LTBP4: variants seen among roughly 807,000 people sequenced by gnomAD.
The protein encoded by LTBP4 is latent transforming growth factor beta binding protein 4.
Under a neutral mutation model 180.2 loss-of-function variants are expected in LTBP4, and 93 were observed. The observed-to-expected ratio is 0.52, with a 90% CI of 0.44 to 0.61. LTBP4 has a LOEUF of 0.61. Among genes scored for constraint, LTBP4 ranks in the 20% least tolerant of loss-of-function variants. LTBP4 has a pLI of 0.00. For synonymous variants in LTBP4, 947 were observed against 934.5 expected (o/e 1.01, Z -0.24); for missense variants, 2,116 against 2,256.5 (o/e 0.94, Z 1.26).
chr19:40,622,460 C>G lies in LTBP4; in HGVS notation c.3277C>G (p.Pro1093Ala). ...TAGCCCCGTTCTGCCCGCCAGGCCA[C>G]CTCCGCCACCCCTGCCCCGCCGACC... is the stretch of plus-strand genomic sequence containing the variant. ...PASPVLPARPPPPPLPRRPST... is the reference protein window; with the variant it reads ...PASPVLPARPAPPPLPRRPST... Residue 1093 changes from proline to alanine, a missense_variant, in exon 23 of 30, where the codon CCT (proline) becomes GCT (alanine). This residue lies in a region of LTBP4 where 278 missense variants were observed against 373.0 expected (regional missense o/e 0.75). Coordinates refer to ENST00000396819, the MANE Select transcript of LTBP4 (RefSeq NM_001042545.2). The surrounding 1 kb of genome is among the most constrained non-coding windows in gnomAD (Gnocchi z 5.1). 6.2e-7 allele frequency: 1 copy of G among 1,602,496 alleles called. No individual in the cohort carries two copies. Among genetic ancestry groups the G allele is most frequent in the South Asian group, 1.1e-5 (1 of 89,712 alleles).
In LTBP4 at chr19:40,607,439, C is replaced by T; in HGVS notation, c.1066C>T (p.Leu356=). The T allele has an allele frequency of 6.2e-7, 1 of 1,613,470 alleles. No homozygotes were observed. The highest frequency in any genetic ancestry group is 8.5e-7 in the Non-Finnish European group (1 of 1,179,756). ...CGACGGCGGCTGTTCGCTGCCCATT[C>T]TGCGGAACATCACTAAACAGATCTG... ...LRDGGCSLPI[L]RNITKQICCC... The change falls in exon 7 of 30, where the codon CTG becomes TTG. Residue 356 remains leucine, a synonymous_variant. Coordinates refer to ENST00000396819, the MANE Select transcript of LTBP4 (RefSeq NM_001042545.2).
upstream of LTBP4, among the ~76,000 whole-genome samples, chr19:40,597,013 C>T (rs969182161): frequency 6.6e-6 from 1 of 152,166 alleles, no homozygotes; most frequent in African/African-American, 2.4e-5. Flanking sequence ...GTCCCCCGCG[C>T]CCCTAGTCCG....
In LTBP4 at chr19:40,609,828, C is replaced by T; in HGVS notation, c.1641C>T (p.Cys547=). The change falls in exon 11 of 30, where the codon TGC becomes TGT. Residue 547 remains cysteine (C), a synonymous_variant. Coordinates refer to ENST00000396819, the MANE Select transcript of LTBP4 (RefSeq NM_001042545.2). This position sits in a 1 kb window ranked among gnomAD's most constrained non-coding sequence, Gnocchi z 4.9. ...ENSPGSFRCV[C]GPGFRAGPRA... ...CACCAGGCAGCTTCCGCTGCGTGTG[C>T]GGCCCGGGCTTCCGAGCCGGCCCAC... 1 of 1,602,764 alleles carries T rather than the reference C, an allele frequency of 6.2e-7. No individual in the cohort carries two copies. The highest frequency in any genetic ancestry group is 8.5e-7 in the Non-Finnish European group (1 of 1,174,590).
chr19:40,596,465 G>A (rs1298274149), upstream of LTBP4, among the ~76,000 whole-genome samples: 1 of 152,146 alleles, frequency 6.6e-6, no homozygotes, highest in Non-Finnish European at 1.5e-5. Context: ...ATACCCTCTG[G>A]GGGCGGCGAT....
Position 40,624,027 on chromosome 19 carries a change from A to T in LTBP4, c.3777A>T (p.Pro1259=), listed in dbSNP as rs745424465. ...VGSYHCTCEP[P]LVLDGSQRRC... The stretch of plus-strand genomic sequence containing the variant: ...CTTATCACTGTACCTGCGAGCCCCC[A>T]CTGGTGCTGGATGGCTCGCAGCGCC... Residue 1259 remains proline (P), a synonymous_variant, in exon 26 of 30, where the codon CCA becomes CCT. Coordinates refer to ENST00000396819, the MANE Select transcript of LTBP4 (RefSeq NM_001042545.2). 7 of 1,607,492 alleles carry T rather than the reference A, an allele frequency of 4.4e-6. No homozygotes were observed. Among genetic ancestry groups the T allele is most frequent in the Admixed American group, 1.7e-5 (1 of 59,544 alleles).
Position 40,609,029 on chromosome 19 carries a change from C to T in LTBP4, c.1426+426C>T, listed in dbSNP as rs1037487561. 15 of 184,794 alleles carry T rather than the reference C, an allele frequency of 8.1e-5. No homozygotes were observed. Among genetic ancestry groups the T allele is most frequent in the Admixed American group, 1.1e-4 (2 of 18,192 alleles). 11.4% of individuals were successfully genotyped at this position (184,794 alleles called of 1,614,324 possible). A position where few individuals can be genotyped will look rare whatever the true frequency, so the allele number is the denominator to read the frequency against. ...TAGGAATGGTATGGGCAGAGATAAG[C>T]GTTTGAAGGGTTGGGTGGTAGTTAG... is the stretch of plus-strand genomic sequence containing the variant. On this transcript the variant is annotated intron_variant, in intron 9 of 29. Transcript: ENST00000396819. The surrounding 1 kb of genome is among the most constrained non-coding windows in gnomAD (Gnocchi z 4.9).
intron 26 of LTBP4, 35 bp downstream of exon 26, chr19:40,624,117 C>CT: frequency 6.7e-7 from 1 of 1,490,162 alleles, no homozygotes. Context: ...CCCTCCTTCC[C>CT]TTGGCTCGGC....
In LTBP4 at chr19:40,606,223, C is replaced by G. The variant is rs1440485187; in HGVS notation, c.794-10C>G. Reference sequence around the variant, plus strand: ...CCTGTCCCTGGCCCACCCCTCTCCTCTCGCCACAGGGAACTCCGAAAGAGT... The same window carrying G: ...CCTGTCCCTGGCCCACCCCTCTCCTGTCGCCACAGGGAACTCCGAAAGAGT... On this transcript the variant is annotated splice_polypyrimidine_tract_variant and intron_variant, in intron 4 of 29. Coordinates refer to ENST00000396819, the MANE Select transcript of LTBP4 (RefSeq NM_001042545.2). 6.3e-7 allele frequency: 1 copy of G among 1,579,470 alleles called. No individual in the cohort carries two copies. Among genetic ancestry groups the G allele is most frequent in the Admixed American group, 1.8e-5 (1 of 55,274 alleles).
At position 40,625,291 on chromosome 19, in the gene LTBP4, TATATATATATATATATATATATA is replaced by T. The variant is rs1568414484; in HGVS notation, c.3833-565_3833-543del. Among the ~76,000 whole-genome samples, 32 of 11,430 alleles carry T rather than the reference TATATATATATATATATATATATA, an allele frequency of 2.8e-3. 6 individuals carry two copies. The highest frequency in any genetic ancestry group is 0.017 in the South Asian group (6 of 360). 7.5% of individuals were successfully genotyped at this position (11,430 alleles called of 152,430 possible). A position where few individuals can be genotyped will look rare whatever the true frequency, so the allele number is the denominator to read the frequency against. The stretch of plus-strand genomic sequence containing the variant: ...ATATATATATATATATATATATATA[TATATATATATATATATATATATA>T]TATTTTTTTTTTTAAAGATGGGTTT... On this transcript the variant is annotated intron_variant, in intron 26 of 29. Coordinates refer to ENST00000396819, the MANE Select transcript of LTBP4 (RefSeq NM_001042545.2).
chr19:40,612,348 T>C (rs1349287739), intron 15 of LTBP4, among the ~76,000 whole-genome samples, 156 bp downstream of exon 15: 1 of 152,086 alleles, frequency 6.6e-6, no homozygotes, highest in African/African-American at 2.4e-5. Flanking sequence ...GGACCACAAC[T>C]CTTGACCCTG....
intron 21 of LTBP4, among the ~76,000 whole-genome samples, chr19:40,619,044 T>C (rs1171833926): frequency 1.3e-5 from 2 of 152,140 alleles, no homozygotes; most frequent in African/African-American, 2.4e-5. Flanking sequence ...CTGGCTTTGA[T>C]TGACCCAGCA....
At chr19:40,618,310 A>AGT (rs200001925) in intron 21 of LTBP4, among the ~76,000 whole-genome samples, 1,910 of 146,424 alleles carry the variant, frequency 0.013, 15 homozygotes, top group Non-Finnish European at 0.019. Context: ...TCCAGGCTGG[A>AGT]GTGCAATGGC....
chr19:40,599,589 C>A, upstream of LTBP4: 1 of 1,584,956 alleles, frequency 6.3e-7, no homozygotes, highest in Admixed American at 1.7e-5. Context: ...ACCAAATCCT[C>A]CCTCAGGAAC....
intron 1 of LTBP4, among the ~76,000 whole-genome samples, chr19:40,593,570 C>A (rs1319025972): frequency 6.6e-6 from 1 of 150,824 alleles, no homozygotes; most frequent in African/African-American, 2.4e-5. Context: ...TTTTTACATG[C>A]CAGGATATTC....
intron 7 of LTBP4, among the ~76,000 whole-genome samples, chr19:40,607,975 A>T (rs528311716): frequency 1.3e-5 from 2 of 152,310 alleles, no homozygotes; most frequent in East Asian, 1.9e-4. Context: ...CTGTAGACCC[A>T]ACCGGACCCT....
chr19:40,620,351 A>G (rs1021614464), intron 22 of LTBP4, among the ~76,000 whole-genome samples: 2 of 151,826 alleles, frequency 1.3e-5, no homozygotes, highest in Non-Finnish European at 2.9e-5. Flanking sequence ...GAATCCTCCA[A>G]CCTCAGCCTG....
Position 40,607,357 on chromosome 19 carries a change from C to T in LTBP4, c.992-8C>T. 6.2e-7 allele frequency: 1 copy of T among 1,606,604 alleles called. No homozygotes were observed. The highest frequency in any genetic ancestry group is 8.5e-7 in the Non-Finnish European group (1 of 1,176,102). On this transcript the variant is annotated splice_region_variant and splice_polypyrimidine_tract_variant and intron_variant, in intron 6 of 29. Transcript: ENST00000396819. ...CGCCCTGAAGGATTTCCTCCCTGCT[C>T]CTCGCAGCCCAACACGTGATCTCAG...
upstream of LTBP4, chr19:40,597,139 CG>C (rs1259711491): frequency 4.8e-6 from 5 of 1,047,480 alleles, no homozygotes; most frequent in African/African-American, 3.6e-5. Context: ...GAGTCGGCCT[CG>C]GGCGGGGGCG....
chr19:40,593,282 G>A (rs1437225913), intron 1 of LTBP4: 12 of 1,428,788 alleles, frequency 8.4e-6, no homozygotes, highest in Non-Finnish European at 1.2e-5. Flanking sequence ...TTGCTTTGTT[G>A]CCCGGGCTAG....
Sources: gnomAD v4.1 joint callset for allele counts (sites outside exome capture counted in the v4.1 genomes callset) on GRCh38, gnomAD v4.1.1 for gene constraint, gnomAD v4.1.1 regional missense constraint, Gnocchi (gnomAD v3.1) non-coding constraint, MANE v1.5 for transcripts, NCBI Gene and HGNC (gene_info 2026-07-23, HGNC 2026-07-21) for gene names.